The following NEDD9 variants were observed in gnomAD, a reference collection of about 807,000 sequenced individuals.
NEDD9 encodes the protein neural precursor cell expressed, developmentally down-regulated 9, also known as enhancer of filamentation 1.
In NEDD9, 26 loss-of-function variants were observed where a neutral mutation model predicts 76.6. The ratio of observed to expected loss-of-function variants is 0.34; its 90% CI spans 0.25 to 0.47. The LOEUF (loss-of-function observed/expected upper bound fraction) is 0.47. Among genes scored for constraint, NEDD9 ranks in the 20% least tolerant of loss-of-function variants. The pLI is 1.00. For missense variants in NEDD9, 937 were observed against 1,058.5 expected, an observed-to-expected ratio of 0.89 and a Z score of 1.59; for synonymous variants, 392 against 414.2, an observed-to-expected ratio of 0.95 and a Z score of 0.65.
At chr6:11,203,178 G>A (rs897178688) in intron 2 of NEDD9, among the ~76,000 whole-genome samples, 1 of 152,190 alleles carries the variant, frequency 6.6e-6, no homozygotes, top group South Asian at 2.1e-4. Context: ...GAGTGGTTGA[G>A]GTCTTTCTCA....
At chr6:11,216,128 C>A (rs979880533) in intron 1 of NEDD9, among the ~76,000 whole-genome samples, 2 of 152,194 alleles carry the variant, frequency 1.3e-5, no homozygotes, top group Non-Finnish European at 2.9e-5. Flanking sequence ...ATGTGGGCAC[C>A]GCAGGTGAGT....
chr6:11,233,122 A>G (rs979740865), upstream of NEDD9, among the ~76,000 whole-genome samples: 3 of 151,408 alleles, frequency 2.0e-5, no homozygotes, highest in Non-Finnish European at 4.4e-5. Flanking sequence ...GCCCCTTTTT[A>G]CTAACCACCC....
At chr6:11,197,095 C>T (rs1758312032) in intron 2 of NEDD9, among the ~76,000 whole-genome samples, 1 of 152,146 alleles carries the variant, frequency 6.6e-6, no homozygotes, top group African/African-American at 2.4e-5. Flanking sequence ...TGAAGACGCA[C>T]ACCAAGGTCT....
intron 3 of NEDD9, among the ~76,000 whole-genome samples, chr6:11,303,567 A>G (rs534895630): frequency 1.3e-5 from 2 of 152,324 alleles, no homozygotes; most frequent in Admixed American, 1.3e-4. Context: ...ACTATACTAC[A>G]AGCTAGAGTA....
At chr6:11,343,662 C>T (rs969205653) in intron 1 of NEDD9, among the ~76,000 whole-genome samples, 1 of 152,090 alleles carries the variant, frequency 6.6e-6, no homozygotes, top group Admixed American at 6.6e-5. Flanking sequence ...AATGCATGCT[C>T]AATAAATTTA....
At chr6:11,279,044 G>A (rs936267398) in intron 3 of NEDD9, among the ~76,000 whole-genome samples, 5 of 152,072 alleles carry the variant, frequency 3.3e-5, no homozygotes, top group Admixed American at 3.3e-4. Flanking sequence ...ATTATTCTGA[G>A]CCAGTTAAAA....
intron 1 of NEDD9, among the ~76,000 whole-genome samples, chr6:11,350,071 A>C (rs760297064): frequency 4.6e-5 from 7 of 152,240 alleles, no homozygotes; most frequent in Non-Finnish European, 1.0e-4. Flanking sequence ...GGCCTGGGCA[A>C]TACAGTTTGA....
At chr6:11,220,123 G>T (rs1759095936) in intron 1 of NEDD9, among the ~76,000 whole-genome samples, 1 of 152,150 alleles carries the variant, frequency 6.6e-6, no homozygotes, top group Non-Finnish European at 1.5e-5. Context: ...CTCACAGAAA[G>T]GCAAAAGCAG....
intron 1 of NEDD9, among the ~76,000 whole-genome samples, chr6:11,221,212 G>A (rs548332190): frequency 6.6e-6 from 1 of 151,926 alleles, no homozygotes; most frequent in African/African-American, 2.4e-5. Flanking sequence ...GTGAAACCCC[G>A]TCTCTACTAA....
intron 1 of NEDD9, among the ~76,000 whole-genome samples, chr6:11,380,606 C>T (rs767297285): frequency 1.3e-5 from 2 of 152,210 alleles, no homozygotes; most frequent in African/African-American, 2.4e-5. Context: ...AGGCAGGACA[C>T]TGACTACTTC....
chr6:11,241,362 A>G lies in NEDD9; in HGVS notation c.13-27635T>C, dbSNP rs117373606. Among the ~76,000 whole-genome samples the G allele has an allele frequency of 1.3e-5, 2 of 152,172 alleles. No homozygotes were observed. Among genetic ancestry groups the G allele is most frequent in the Non-Finnish European group, 2.9e-5 (2 of 68,034 alleles). ...GTGATGTCATGTGGTATAAGACATG[A>G]TCTTTCCTACTTGCCATGGCATGAC... On this transcript the variant is annotated intron_variant, in intron 3 of 3. Coordinates refer to the NEDD9 transcript ENST00000397378. This position sits in a 1 kb window ranked among gnomAD's most constrained non-coding sequence, Gnocchi z 4.0.
chr6:11,242,564 C>T (rs1759728282), intron 3 of NEDD9, among the ~76,000 whole-genome samples: 1 of 151,528 alleles, frequency 6.6e-6, no homozygotes, highest in South Asian at 2.1e-4. Flanking sequence ...CAAAAGTCAT[C>T]ACCTGTGCAG....
chr6:11,317,934 T>G (rs767782828), intron 2 of NEDD9, among the ~76,000 whole-genome samples: 8 of 152,220 alleles, frequency 5.3e-5, no homozygotes, highest in Non-Finnish European at 1.2e-4. Context: ...CAGGTGGGCC[T>G]TGTTCAATCA....
At chr6:11,377,198 C>T (rs1462688017) in intron 1 of NEDD9, among the ~76,000 whole-genome samples, 1 of 152,222 alleles carries the variant, frequency 6.6e-6, no homozygotes, top group Non-Finnish European at 1.5e-5. Flanking sequence ...GGGGTTGGAG[C>T]TCCTACACAG....
chr6:11,285,967 T>A (rs1760639747), intron 3 of NEDD9, among the ~76,000 whole-genome samples: 1 of 152,048 alleles, frequency 6.6e-6, no homozygotes, highest in Non-Finnish European at 1.5e-5. Context: ...AAAAGCACAA[T>A]CCATAAAAGA....
At chr6:11,238,692 G>T (rs896179124) in intron 3 of NEDD9, among the ~76,000 whole-genome samples, 2 of 152,104 alleles carry the variant, frequency 1.3e-5, no homozygotes, top group Non-Finnish European at 2.9e-5. Context: ...CTCCATTGTT[G>T]CTCTCCTCCC....
intron 3 of NEDD9, among the ~76,000 whole-genome samples, chr6:11,274,618 T>C (rs1051561984): frequency 2.6e-5 from 4 of 152,212 alleles, no homozygotes; most frequent in Non-Finnish European, 5.9e-5. Flanking sequence ...CTGTACTCAC[T>C]GTACCAAGCT....
Position 11,190,909 on chromosome 6 carries a change from G to A in NEDD9, c.960C>T (p.Pro320=). Residue 320 remains proline (P), a synonymous_variant, in exon 5 of 7, where the codon CCC becomes CCT. Coordinates refer to ENST00000379446, the MANE Select transcript of NEDD9 (RefSeq NM_006403.4). This position sits in a 1 kb window ranked among gnomAD's most constrained non-coding sequence, Gnocchi z 5.8. ...VGSQNDAYDV[P]RGVQFLEPPA... ...GTGGCTCAAGAAACTGAACGCCTCG[G>A]GGGACATCATATGCGTCGTTCTGAG... is the stretch of plus-strand genomic sequence containing the variant. The A allele has an allele frequency of 6.2e-7, 1 of 1,614,072 alleles. No individual in the cohort carries two copies. Among genetic ancestry groups the A allele is most frequent in the Non-Finnish European group, 8.5e-7 (1 of 1,180,016 alleles).
intron 1 of NEDD9, among the ~76,000 whole-genome samples, chr6:11,366,140 C>T (rs1314550656): frequency 1.3e-5 from 2 of 151,708 alleles, no homozygotes; most frequent in Non-Finnish European, 2.9e-5. Flanking sequence ...AAAAAGTAAC[C>T]GGGTGTGGTG....
Sources: allele counts gnomAD v4.1 joint callset (sites outside exome capture counted in the v4.1 genomes callset), GRCh38; gene constraint gnomAD v4.1.1; non-coding constraint Gnocchi (gnomAD v3.1); transcripts MANE v1.5; gene names NCBI Gene and HGNC (gene_info 2026-07-23, HGNC 2026-07-21).